The following SYT1 variants were observed in gnomAD, a reference collection of about 807,000 sequenced individuals.
SYT1 encodes synaptotagmin 1.
SYT1 carries 8 observed loss-of-function variants against 44.8 expected under a neutral mutation model. The observed-to-expected ratio is 0.18, with a 90% confidence interval of 0.10 to 0.32. The LOEUF (loss-of-function observed/expected upper bound fraction) is 0.32. Among genes scored for constraint, SYT1 ranks in the 10% least tolerant of loss-of-function variants. The pLI is 1.00. For synonymous variants in SYT1, 154 were observed against 188.8 expected (o/e 0.82, Z 1.51); for missense variants, 286 against 509.3 (o/e 0.56, Z 4.22).
chr12:78,923,691 TTC>T (rs545925878), intron 1 of SYT1, among the ~76,000 whole-genome samples: 89 of 146,082 alleles, frequency 6.1e-4, no homozygotes, highest in Middle Eastern at 3.4e-3. Flanking sequence ...CCCCCTTTCT[TTC>T]TCTCTCTCTC....
chr12:78,883,089 T>C (rs927087798), intron 1 of SYT1, among the ~76,000 whole-genome samples: 7 of 151,742 alleles, frequency 4.6e-5, no homozygotes, highest in Non-Finnish European at 8.9e-5. Context: ...TGAGAATAAC[T>C]ATGTCAAAAA....
At chr12:78,951,138 C>CT (rs1878943331) in intron 1 of SYT1, among the ~76,000 whole-genome samples, 1 of 152,072 alleles carries the variant, frequency 6.6e-6, no homozygotes, top group Non-Finnish European at 1.5e-5. Flanking sequence ...TGGACTAAAT[C>CT]TTTTTTCCTA....
chr12:79,160,569 G>A (rs1296825265), intron 3 of SYT1, among the ~76,000 whole-genome samples: 1 of 152,022 alleles, frequency 6.6e-6, no homozygotes, highest in Non-Finnish European at 1.5e-5. Flanking sequence ...AGAGAAAAAT[G>A]GTCCCAATAA....
intron 1 of SYT1, among the ~76,000 whole-genome samples, chr12:78,914,104 CAATT>C (rs141099621): frequency 0.76 from 114,702 of 151,074 alleles, 44,036 homozygotes; most frequent in African/African-American, 0.86. Context: ...TATTAATGTT[CAATT>C]AATTATTCTT....
At chr12:79,382,321 CTAT>C (rs987894275) in intron 9 of SYT1, among the ~76,000 whole-genome samples, 5 of 151,954 alleles carry the variant, frequency 3.3e-5, no homozygotes, top group African/African-American at 1.2e-4. Flanking sequence ...CCCTGAAAGA[CTAT>C]TTTCCCCAGC....
intron 3 of SYT1, among the ~76,000 whole-genome samples, chr12:79,129,570 G>A (rs1486560717): frequency 6.6e-6 from 1 of 152,172 alleles, no homozygotes; most frequent in Admixed American, 6.5e-5. Flanking sequence ...TGTAATCTAG[G>A]AGGGATTACT....
chr12:79,280,440 A>G (rs1214135426), intron 4 of SYT1, among the ~76,000 whole-genome samples: 1 of 152,060 alleles, frequency 6.6e-6, no homozygotes, highest in Non-Finnish European at 1.5e-5. Flanking sequence ...GGAAAATTGG[A>G]TAGCCAAATA....
chr12:79,315,810 T>C lies in SYT1; in HGVS notation c.810+16259T>C, dbSNP rs954989861. On this transcript the variant is annotated intron_variant, in intron 8 of 10. Coordinates refer to ENST00000261205, the MANE Select transcript of SYT1 (RefSeq NM_005639.3). ...TATGCTAGCCAATGAGAGCTCAAGA[T>C]GTAAATGCCAGTTTTTCTGATTCCA... is the stretch of plus-strand genomic sequence containing the variant. Among the ~76,000 whole-genome samples, 17 of 152,180 alleles carry C rather than the reference T, an allele frequency of 1.1e-4. 1 individual carries two copies. Among genetic ancestry groups the C allele is most frequent in the Non-Finnish European group, 2.9e-5 (2 of 68,032 alleles).
intron 3 of SYT1, among the ~76,000 whole-genome samples, chr12:79,155,300 G>A (rs1565830209): frequency 6.6e-6 from 1 of 152,174 alleles, no homozygotes; most frequent in Non-Finnish European, 1.5e-5. Context: ...TGCCAAGAGG[G>A]ATTATAGAGG....
At chr12:79,169,214 T>C (rs186319952) in intron 3 of SYT1, among the ~76,000 whole-genome samples, 148 of 152,176 alleles carry the variant, frequency 9.7e-4, no homozygotes, top group Non-Finnish European at 1.1e-3. Context: ...TTATTCTTTC[T>C]TTATGGCTCC....
intron 9 of SYT1, among the ~76,000 whole-genome samples, chr12:79,407,488 G>A (rs1279827099): frequency 6.6e-6 from 1 of 152,064 alleles, no homozygotes; most frequent in Non-Finnish European, 1.5e-5. Context: ...GGGAAGGCAT[G>A]AAGTCAAAGA....
intron 1 of SYT1, among the ~76,000 whole-genome samples, chr12:78,944,511 CA>C (rs1052186810): frequency 8.7e-5 from 13 of 149,156 alleles, no homozygotes; most frequent in Admixed American, 6.7e-4. Flanking sequence ...AATGCAAATA[CA>C]AAAAAAAACT....
At chr12:79,044,232 G>C (rs1247682587) in intron 2 of SYT1, among the ~76,000 whole-genome samples, 1 of 152,126 alleles carries the variant, frequency 6.6e-6, no homozygotes, top group Non-Finnish European at 1.5e-5. Context: ...TTTCCAACTT[G>C]GTTCCATTCT....
At chr12:78,970,113 G>A (rs1234673609) in intron 1 of SYT1, among the ~76,000 whole-genome samples, 2 of 152,130 alleles carry the variant, frequency 1.3e-5, no homozygotes, top group East Asian at 3.8e-4. Context: ...TGGAAATTGA[G>A]AGAAAAAGGT....
At chr12:78,912,628 T>C (rs937159127) in intron 1 of SYT1, among the ~76,000 whole-genome samples, 3 of 151,924 alleles carry the variant, frequency 2.0e-5, no homozygotes, top group African/African-American at 7.2e-5. Flanking sequence ...AACAGGGGCA[T>C]GCAAAGGTAA....
In SYT1 at chr12:79,450,202, A is replaced by T. The variant is rs1369057502; in HGVS notation, c.*1078A>T. On this transcript the variant is annotated 3_prime_UTR_variant, in exon 11 of 11. Coordinates refer to ENST00000261205, the MANE Select transcript of SYT1 (RefSeq NM_005639.3). ...TTAGAAGGAATGCAGGATATTTTTA[A>T]CACAACAATCTGTGCTTATTACACA... 1 of 152,632 alleles carries T rather than the reference A, an allele frequency of 6.6e-6. No individual in the cohort carries two copies. The highest frequency in any genetic ancestry group is 1.5e-5 in the Non-Finnish European group (1 of 68,046). 9.5% of individuals were successfully genotyped at this position (152,632 alleles called of 1,614,324 possible).
intron 1 of SYT1, among the ~76,000 whole-genome samples, chr12:78,952,184 C>A (rs1055747457): frequency 6.6e-6 from 1 of 152,068 alleles, no homozygotes; most frequent in Non-Finnish European, 1.5e-5. Flanking sequence ...CAATACTCAG[C>A]GCTTCAGTTT....
In SYT1 at chr12:79,088,738, C is replaced by CTGTGTG. The variant is rs571903732; in HGVS notation, c.-18+41412_-18+41417dup. ...TATTCAGATCACAGTGGCTTTGGGC[C>CTGTGTG]TGTGTGTGTGTGTGTGTGTGTGTGT... On this transcript the variant is annotated intron_variant, in intron 3 of 10. Coordinates refer to ENST00000261205, the MANE Select transcript of SYT1 (RefSeq NM_005639.3). 7.6e-3 allele frequency among the ~76,000 whole-genome samples: 1,047 copies of CTGTGTG among 137,256 alleles called. 14 individuals carry two copies. The highest frequency in any genetic ancestry group is 0.037 in the East Asian group (164 of 4,442). The allele number at this position is 137,256 out of a possible 152,430, so 90.0% of individuals were successfully genotyped here.
chr12:79,354,985 A>T lies in SYT1; in HGVS notation c.928+1366A>T, dbSNP rs149909185. ...CATAACCTATGTCTAGTACTCTGCT[A>T]GTCTTCCTAAGTCATCCTATCTGCT... On this transcript the variant is annotated intron_variant, in intron 9 of 10. Transcript: ENST00000261205. Among the ~76,000 whole-genome samples, 10 of 152,232 alleles carry T rather than the reference A, an allele frequency of 6.6e-5. No homozygotes were observed. The East Asian group carries it at 1.9e-3, about 29-fold the overall frequency.
Sources: gnomAD v4.1 joint callset for allele counts (sites outside exome capture counted in the v4.1 genomes callset) on GRCh38, gnomAD v4.1.1 for gene constraint, MANE v1.5 for transcripts, NCBI Gene and HGNC (gene_info 2026-07-23, HGNC 2026-07-21) for gene names.